The following IGSF21 variants were observed in gnomAD, a reference collection of about 807,000 sequenced individuals.
The protein encoded by IGSF21 is immunoglobin superfamily member 21.
Under a neutral mutation model 46.8 loss-of-function variants are expected in IGSF21, and 28 were observed. That is an observed-to-expected ratio of 0.60 (90% CI 0.44 to 0.82). The LOEUF (loss-of-function observed/expected upper bound fraction) is 0.82, where lower values mean the gene tolerates loss of function less well. Among genes scored for constraint, IGSF21 ranks in the 40% least tolerant of loss-of-function variants. The probability of loss-of-function intolerance (pLI) is 0.00; values close to 1 mark genes in which losing one functional copy is unlikely to be tolerated. For missense variants in IGSF21, 624 were observed against 665.5 expected (o/e 0.94, Z 0.69); for synonymous variants, 284 against 273.6 (o/e 1.04, Z -0.38).
intron 2 of IGSF21, among the ~76,000 whole-genome samples, chr1:18,288,595 A>G (rs982682028): frequency 1.3e-5 from 2 of 152,224 alleles, no homozygotes; most frequent in African/African-American, 4.8e-5. Context: ...TTCTGTCCAC[A>G]GCCTGTACTA....
chr1:18,130,702 T>C (rs1266566830), intron 1 of IGSF21, among the ~76,000 whole-genome samples: 1 of 152,196 alleles, frequency 6.6e-6, no homozygotes, highest in Non-Finnish European at 1.5e-5. Context: ...GAACTCTTCA[T>C]TACACAGCAC....
At chr1:18,313,086 A>G (rs867356654) in intron 3 of IGSF21, among the ~76,000 whole-genome samples, 10 of 152,166 alleles carry the variant, frequency 6.6e-5, no homozygotes, top group Admixed American at 2.6e-4. Context: ...CTGGCCCTGA[A>G]CATTTGTTGG....
At chr1:18,200,423 G>A (rs4920457) in intron 1 of IGSF21, among the ~76,000 whole-genome samples, 65,368 of 151,890 alleles carry the variant, frequency 0.43, 14,681 homozygotes, top group Middle Eastern at 0.51. Flanking sequence ...GTGTGGGTGG[G>A]CCACACTCCC....
intron 1 of IGSF21, among the ~76,000 whole-genome samples, chr1:18,140,842 T>A (rs1280514157): frequency 6.6e-6 from 1 of 152,164 alleles, no homozygotes; most frequent in Non-Finnish European, 1.5e-5. Flanking sequence ...CTGCCCCTTC[T>A]CCCCACTTAT....
At chr1:18,277,814 G>A (rs2085117620) in intron 2 of IGSF21, among the ~76,000 whole-genome samples, 1 of 152,170 alleles carries the variant, frequency 6.6e-6, no homozygotes, top group South Asian at 2.1e-4. Flanking sequence ...CGAAATTCTA[G>A]AACAGGATAA....
chr1:18,334,503 T>C lies in IGSF21; in HGVS notation c.306-389T>C, dbSNP rs1025965332. Among the ~76,000 whole-genome samples the C allele has an allele frequency of 6.6e-6, 1 of 152,178 alleles. No homozygotes were observed. Among genetic ancestry groups the C allele is most frequent in the Admixed American group, 6.5e-5 (1 of 15,272 alleles). On this transcript the variant is annotated intron_variant, in intron 3 of 9. Transcript: ENST00000251296. This position sits in a 1 kb window ranked among gnomAD's most constrained non-coding sequence, Gnocchi z 4.3. ...CCGTCATGAGGAAAGAGGGAGCCGATGCCTCCAGTGACAGTTTTGGTCCCA... is the reference window on the plus strand; with the variant it reads ...CCGTCATGAGGAAAGAGGGAGCCGACGCCTCCAGTGACAGTTTTGGTCCCA...
intron 3 of IGSF21, among the ~76,000 whole-genome samples, chr1:18,296,041 G>A (rs2085309342): frequency 6.6e-6 from 1 of 152,150 alleles, no homozygotes; most frequent in African/African-American, 2.4e-5. Context: ...TTCCTAATAG[G>A]TAAAATTAGA....
chr1:18,321,146 T>C (rs1369326580), intron 3 of IGSF21, among the ~76,000 whole-genome samples: 1 of 152,192 alleles, frequency 6.6e-6, no homozygotes, highest in Non-Finnish European at 1.5e-5. Flanking sequence ...ACCCATATGA[T>C]GCATTCTTGC....
intron 9 of IGSF21, among the ~76,000 whole-genome samples, chr1:18,377,728 G>A (rs2086298706): frequency 6.6e-6 from 1 of 152,158 alleles, no homozygotes; most frequent in Non-Finnish European, 1.5e-5. Context: ...TGATCTCACT[G>A]CCCATGGCAT....
chr1:18,259,896 G>A (rs1451440743), intron 2 of IGSF21, among the ~76,000 whole-genome samples: 2 of 152,194 alleles, frequency 1.3e-5, no homozygotes, highest in African/African-American at 2.4e-5. Flanking sequence ...GGGCACAACG[G>A]TGTTCTGGAG....
chr1:18,116,806 G>A (rs936885448), intron 1 of IGSF21, among the ~76,000 whole-genome samples: 2 of 152,254 alleles, frequency 1.3e-5, no homozygotes, highest in Admixed American at 1.3e-4. Context: ...GCCCAGGAAG[G>A]CTCTGAAGGA....
intron 2 of IGSF21, among the ~76,000 whole-genome samples, chr1:18,285,617 A>G (rs1354988664): frequency 6.6e-6 from 1 of 152,182 alleles, no homozygotes; most frequent in African/African-American, 2.4e-5. Context: ...TCTGCCTCTC[A>G]GAAACTTCTA....
intron 2 of IGSF21, among the ~76,000 whole-genome samples, chr1:18,281,096 G>C (rs557932893): frequency 2.7e-4 from 25 of 93,710 alleles, no homozygotes; most frequent in Non-Finnish European, 4.5e-4. Context: ...GCCTGCAGGA[G>C]GTGTTTATGA....
chr1:18,185,891 T>C (rs1241883750), intron 1 of IGSF21, among the ~76,000 whole-genome samples: 1 of 152,212 alleles, frequency 6.6e-6, no homozygotes, highest in African/African-American at 2.4e-5. Context: ...GGGCAAGTCA[T>C]TGCCCCTCTC....
intron 1 of IGSF21, among the ~76,000 whole-genome samples, chr1:18,170,054 C>T (rs571489736): frequency 2.0e-5 from 3 of 152,286 alleles, no homozygotes; most frequent in Non-Finnish European, 4.4e-5. Flanking sequence ...TGTCACAAGC[C>T]CCAGCCCACA....
chr1:18,139,537 T>C (rs912006895), intron 1 of IGSF21, among the ~76,000 whole-genome samples: 3 of 152,188 alleles, frequency 2.0e-5, no homozygotes, highest in African/African-American at 7.2e-5. Context: ...TTCACCACCC[T>C]CTGCAGTGCT....
chr1:18,349,063 C>T (rs2085923834), intron 4 of IGSF21, among the ~76,000 whole-genome samples: 1 of 152,196 alleles, frequency 6.6e-6, no homozygotes, highest in Non-Finnish European at 1.5e-5. Flanking sequence ...ATACTAAGTT[C>T]TTTAAGAGCT....
chr1:18,377,029 A>AAG, intron 8 of IGSF21, 37 bp downstream of exon 8: 5 of 1,557,584 alleles, frequency 3.2e-6, no homozygotes, highest in Non-Finnish European at 4.4e-6. Context: ...GAGAACAACC[A>AAG]CAGGGGCGGG....
At chr1:18,160,321 C>CT (rs2086606435) in intron 1 of IGSF21, among the ~76,000 whole-genome samples, 1 of 152,236 alleles carries the variant, frequency 6.6e-6, no homozygotes, top group Non-Finnish European at 1.5e-5. Flanking sequence ...GCTAAACCTA[C>CT]TTTATCAGAT....
Sources: allele counts gnomAD v4.1 joint callset (sites outside exome capture counted in the v4.1 genomes callset), GRCh38; gene constraint gnomAD v4.1.1; non-coding constraint Gnocchi (gnomAD v3.1); transcripts MANE v1.5; gene names NCBI Gene and HGNC (gene_info 2026-07-23, HGNC 2026-07-21).